CCDC6: variants seen among roughly 807,000 people sequenced by gnomAD.
CCDC6 encodes the protein coiled-coil domain containing 6.
CCDC6 carries 20 observed loss-of-function variants against 56.6 expected under a neutral mutation model. The ratio of observed to expected loss-of-function variants is 0.35; its 90% confidence interval spans 0.25 to 0.51. CCDC6 has a LOEUF of 0.51. Among genes scored for constraint, CCDC6 ranks in the 20% least tolerant of loss-of-function variants. The probability of loss-of-function intolerance (pLI) is 0.95; values close to 1 mark genes in which losing one functional copy is unlikely to be tolerated. For missense variants in CCDC6, 367 were observed against 601.1 expected (o/e 0.61, Z 4.07); for synonymous variants, 241 against 234.4 (o/e 1.03, Z -0.26).
intron 2 of CCDC6, among the ~76,000 whole-genome samples, chr10:59,850,719 G>T (rs1030386125): frequency 2.0e-5 from 3 of 151,608 alleles, no homozygotes; most frequent in African/African-American, 7.3e-5. Context: ...TCTTGACCAA[G>T]AACTACTGTT....
chr10:59,824,955 G>T (rs1385118191), intron 3 of CCDC6, among the ~76,000 whole-genome samples: 1 of 152,152 alleles, frequency 6.6e-6, no homozygotes, highest in Non-Finnish European at 1.5e-5. Flanking sequence ...ACTCCTCAAG[G>T]AACATGGTTG....
In CCDC6 at chr10:59,789,655, A is replaced by G. The variant is rs1829740702; in HGVS notation, c.*3262T>C. The G allele has an allele frequency of 4.5e-6, 1 of 224,552 alleles. No homozygotes were observed. The highest frequency in any genetic ancestry group is 8.9e-6 in the Non-Finnish European group (1 of 112,430). 13.9% of individuals were successfully genotyped at this position (224,552 alleles called of 1,614,324 possible). On this transcript the variant is annotated 3_prime_UTR_variant, in exon 9 of 9. Coordinates refer to ENST00000263102, the MANE Select transcript of CCDC6 (RefSeq NM_005436.5). ...ACAAAGTTTTCAGTGTTGGTTACCT[A>G]TAAGACAAGTACTAGACAGAAGATC...
intron 8 of CCDC6, among the ~76,000 whole-genome samples, chr10:59,794,230 T>C (rs1430835440): frequency 6.6e-6 from 1 of 152,190 alleles, no homozygotes; most frequent in African/African-American, 2.4e-5. Flanking sequence ...GAGTTCAAAT[T>C]ATATTTCACA....
chr10:59,881,140 C>T (rs141648590), intron 1 of CCDC6, among the ~76,000 whole-genome samples: 88 of 152,246 alleles, frequency 5.8e-4, no homozygotes, highest in African/African-American at 2.0e-3. Context: ...ACCATAATAG[C>T]CATCTTCAAC....
chr10:59,876,091 T>TTTTTTTTTTTTTTTC (rs1564754331), intron 1 of CCDC6, among the ~76,000 whole-genome samples: 1 of 146,194 alleles, frequency 6.8e-6, no homozygotes, highest in African/African-American at 2.6e-5. Context: ...TTTTTTTTTT[T>TTTTTTTTTTTTTTTC]CAGATCGAGT....
chr10:59,890,142 C>CT (rs2071410505), intron 1 of CCDC6, among the ~76,000 whole-genome samples: 1 of 152,094 alleles, frequency 6.6e-6, no homozygotes, highest in Non-Finnish European at 1.5e-5. Context: ...GAAGGCAAGG[C>CT]ATAGATAGGC....
chr10:59,814,634 C>G lies in CCDC6; in HGVS notation c.686+18G>C. 1 of 1,509,098 alleles carries G rather than the reference C, an allele frequency of 6.6e-7. No homozygotes were observed. Among genetic ancestry groups the G allele is most frequent in the South Asian group, 1.1e-5 (1 of 88,868 alleles). The allele number at this position is 1,509,098 out of a possible 1,614,324, so 93.5% of individuals were successfully genotyped here. On this transcript the variant is annotated intron_variant, in intron 4 of 8. Coordinates refer to ENST00000263102, the MANE Select transcript of CCDC6 (RefSeq NM_005436.5). ...CACACACACACACACCCATACTGAA[C>G]AGCAAGACTAAACAAACCGCTTTTC...
At chr10:59,873,781 A>G (rs2071253153) in intron 1 of CCDC6, among the ~76,000 whole-genome samples, 1 of 152,230 alleles carries the variant, frequency 6.6e-6, no homozygotes, top group East Asian at 1.9e-4. Flanking sequence ...AATGGTATTT[A>G]CCTAAATTTG....
intron 1 of CCDC6, among the ~76,000 whole-genome samples, chr10:59,900,039 C>T (rs1351530698): frequency 6.6e-6 from 1 of 152,196 alleles, no homozygotes; most frequent in African/African-American, 2.4e-5. Context: ...CAGAAAGAAA[C>T]AAGTACATAC....
Position 59,802,710 on chromosome 10 carries a change from G to C in CCDC6, c.1105+1710C>G, listed in dbSNP as rs992105030. ...ACACTTGATGTAGGTCCCACTATGG[G>C]AACAGGTACAGTGAAAGTAAAAATT... On this transcript the variant is annotated intron_variant, in intron 7 of 8. Coordinates refer to ENST00000263102, the MANE Select transcript of CCDC6 (RefSeq NM_005436.5). Among the ~76,000 whole-genome samples, 12 of 152,326 alleles carry C rather than the reference G, an allele frequency of 7.9e-5. No homozygotes were observed. In the South Asian group the frequency reaches 2.5e-3, roughly 32 times the overall value.
At chr10:59,815,120 G>A (rs1037460434) in intron 3 of CCDC6, among the ~76,000 whole-genome samples, 1 of 152,008 alleles carries the variant, frequency 6.6e-6, no homozygotes, top group Non-Finnish European at 1.5e-5. Context: ...TATTCTTCCG[G>A]GCTTGTCCCT....
intron 1 of CCDC6, among the ~76,000 whole-genome samples, chr10:59,854,750 A>G (rs905855456): frequency 2.6e-5 from 4 of 152,210 alleles, no homozygotes; most frequent in Non-Finnish European, 5.9e-5. Flanking sequence ...GCAGGAATCC[A>G]AAGTATTTAT....
At chr10:59,898,847 C>CA (rs1191952276) in intron 1 of CCDC6, among the ~76,000 whole-genome samples, 4 of 152,060 alleles carry the variant, frequency 2.6e-5, no homozygotes, top group South Asian at 2.1e-4. Flanking sequence ...AATCTCCCAG[C>CA]AAAAAACAAA....
chr10:59,867,002 C>G (rs1399083501), intron 1 of CCDC6, among the ~76,000 whole-genome samples: 1 of 152,176 alleles, frequency 6.6e-6, no homozygotes, highest in African/African-American at 2.4e-5. Flanking sequence ...CTATCGCTGC[C>G]ATCACTTCAA....
intron 8 of CCDC6, among the ~76,000 whole-genome samples, chr10:59,793,589 G>A (rs1181484104): frequency 6.6e-6 from 1 of 152,152 alleles, no homozygotes; most frequent in Non-Finnish European, 1.5e-5. Context: ...TTCGAGACCA[G>A]CCTGGCCAAC....
chr10:59,842,496 T>C (rs1406258888), intron 2 of CCDC6, among the ~76,000 whole-genome samples: 1 of 152,254 alleles, frequency 6.6e-6, no homozygotes, highest in Non-Finnish European at 1.5e-5. Flanking sequence ...TGTGGCAAAT[T>C]ACACTTACTG....
intron 3 of CCDC6, among the ~76,000 whole-genome samples, chr10:59,822,449 T>C (rs1182477552): frequency 6.6e-6 from 1 of 152,214 alleles, no homozygotes; most frequent in Non-Finnish European, 1.5e-5. Context: ...TAACCGATAA[T>C]TGCCGTTTAG....
At chr10:59,820,565 AGT>A (rs1356799181) in intron 3 of CCDC6, among the ~76,000 whole-genome samples, 1 of 152,126 alleles carries the variant, frequency 6.6e-6, no homozygotes, top group African/African-American at 2.4e-5. Context: ...TGGGAAACAG[AGT>A]GAGATCCCGT....
chr10:59,871,319 ATACGAAGCACTCAAG>A (rs1226506071), intron 1 of CCDC6, among the ~76,000 whole-genome samples: 17 of 152,078 alleles, frequency 1.1e-4, no homozygotes, highest in Admixed American at 3.3e-4. Context: ...CGCCTTGTAT[ATACGAAGCACTCAAG>A]TACGTAAAAA....
Sources: gnomAD v4.1 joint callset for allele counts (sites outside exome capture counted in the v4.1 genomes callset) on GRCh38, gnomAD v4.1.1 for gene constraint, MANE v1.5 for transcripts, NCBI Gene and HGNC (gene_info 2026-07-23, HGNC 2026-07-21) for gene names.